CTNNA2: variants seen among roughly 807,000 people sequenced by gnomAD.
CTNNA2 encodes catenin alpha 2.
CTNNA2 carries 42 observed loss-of-function variants against 101.0 expected under a neutral mutation model. That is an observed-to-expected ratio of 0.42 (90% CI 0.32 to 0.54). The LOEUF (loss-of-function observed/expected upper bound fraction) is 0.54, where lower values mean the gene tolerates loss of function less well. Among genes scored for constraint, CTNNA2 ranks in the 20% least tolerant of loss-of-function variants. The pLI, the probability that CTNNA2 is intolerant of heterozygous loss-of-function variation, is 0.14. For synonymous variants in CTNNA2, 450 were observed against 456.4 expected (o/e 0.99, Z 0.18); for missense variants, 871 against 1,223.1 (o/e 0.71, Z 4.29).
intron 2 of CTNNA2, among the ~76,000 whole-genome samples, chr2:79,305,292 GTGTATA>G: frequency 6.7e-6 from 1 of 149,006 alleles, no homozygotes; most frequent in African/African-American, 2.5e-5. Flanking sequence ...ATACGTGTGT[GTGTATA>G]TATATACATA....
intron 2 of CTNNA2, among the ~76,000 whole-genome samples, chr2:79,731,222 A>T (rs1687175395): frequency 6.6e-6 from 1 of 152,072 alleles, no homozygotes; most frequent in Admixed American, 6.6e-5. Flanking sequence ...ATGAAGTAAG[A>T]ATAGACAGGG....
rs1425799602 is a variant in CTNNA2, at chr2:80,251,809, T to C, written c.1057-141402T>C. The stretch of plus-strand genomic sequence containing the variant: ...CCTACAAATACTTAATTAAGAGTCA[T>C]TGGAGCTAACGCCTTTTCCTCTTTC... On this transcript the variant is annotated intron_variant, in intron 7 of 18. Transcript: ENST00000402739. Among the ~76,000 whole-genome samples, 4 of 152,184 alleles carry C rather than the reference T, an allele frequency of 2.6e-5. No homozygotes were observed. In the East Asian group the frequency reaches 7.7e-4, roughly 29 times the overall value.
intron 9 of CTNNA2, among the ~76,000 whole-genome samples, chr2:80,485,098 G>C: frequency 6.6e-6 from 1 of 152,158 alleles, no homozygotes. Flanking sequence ...GTTTGTAAGT[G>C]TACGTGTGTG....
chr2:80,610,980 C>G (rs1165506903), intron 17 of CTNNA2, among the ~76,000 whole-genome samples: 1 of 150,354 alleles, frequency 6.7e-6, no homozygotes, highest in Non-Finnish European at 1.5e-5. Flanking sequence ...CTAAGAAATA[C>G]CATTGGTTTC....
intron 7 of CTNNA2, among the ~76,000 whole-genome samples, chr2:80,351,265 T>C (rs981685265): frequency 6.6e-6 from 1 of 151,788 alleles, no homozygotes; most frequent in African/African-American, 2.4e-5. Flanking sequence ...ATAGGCAGAG[T>C]GGCTTTTTGA....
At chr2:79,479,431 A>T (rs982529121) in intron 4 of CTNNA2, among the ~76,000 whole-genome samples, 1 of 152,176 alleles carries the variant, frequency 6.6e-6, no homozygotes, top group Non-Finnish European at 1.5e-5. Context: ...TTGGTCTGGC[A>T]CCTGTTTTCA....
chr2:80,314,285 C>A (rs772259009), intron 7 of CTNNA2, among the ~76,000 whole-genome samples: 1 of 152,192 alleles, frequency 6.6e-6, no homozygotes, highest in Non-Finnish European at 1.5e-5. Flanking sequence ...TGATTAAAAG[C>A]ATTCAAATTC....
intron 3 of CTNNA2, among the ~76,000 whole-genome samples, chr2:79,771,903 G>A (rs1673612886): frequency 6.6e-6 from 1 of 152,074 alleles, no homozygotes; most frequent in Non-Finnish European, 1.5e-5. Flanking sequence ...ATAGTTTTAT[G>A]GCTATGATCA....
chr2:80,391,961 C>A (rs1287513118), intron 7 of CTNNA2, among the ~76,000 whole-genome samples: 1 of 152,068 alleles, frequency 6.6e-6, no homozygotes, highest in Non-Finnish European at 1.5e-5. Flanking sequence ...TTGGTTTGGG[C>A]TTTTTAATGA....
At chr2:80,474,434 T>C (rs1685556260) in intron 9 of CTNNA2, among the ~76,000 whole-genome samples, 1 of 152,014 alleles carries the variant, frequency 6.6e-6, no homozygotes, top group African/African-American at 2.4e-5. Context: ...CCCCACCATA[T>C]CCCATCTCAT....
In CTNNA2 at chr2:79,580,384, G is replaced by A. The variant is rs117849257; in HGVS notation, c.-6+67177G>A. Among the ~76,000 whole-genome samples the A allele has an allele frequency of 8.5e-4, 130 of 152,270 alleles. 1 individual carries two copies. In the East Asian group the frequency reaches 0.023, roughly 27 times the overall value. On this transcript the variant is annotated intron_variant, in intron 1 of 18. Coordinates refer to ENST00000402739, the MANE Select transcript of CTNNA2 (RefSeq NM_001282597.3). ...GCCAAAGAATGCAGTGGTGGAAGCC[G>A]GAATGACTCTTAGCTGACGGCCGGC...
intron 3 of CTNNA2, among the ~76,000 whole-genome samples, chr2:79,313,585 C>T (rs1392448904): frequency 1.3e-5 from 2 of 152,094 alleles, no homozygotes; most frequent in East Asian, 1.9e-4. Flanking sequence ...ATGTTCTTGA[C>T]AAACTTTTTT....
chr2:79,843,363 C>T (rs761787020), intron 3 of CTNNA2, among the ~76,000 whole-genome samples: 5 of 152,144 alleles, frequency 3.3e-5, no homozygotes, highest in African/African-American at 7.2e-5. Context: ...ACAGGACATC[C>T]GGTAATGGAT....
chr2:80,320,357 G>A (rs1382722784), intron 7 of CTNNA2, among the ~76,000 whole-genome samples: 1 of 152,148 alleles, frequency 6.6e-6, no homozygotes, highest in Non-Finnish European at 1.5e-5. Flanking sequence ...CCAAAGTGGG[G>A]ATCTATATTA....
At chr2:79,744,250 G>T (rs1671487668) in intron 2 of CTNNA2, 137 bp from the exon 3 acceptor site, 1 of 738,690 alleles carries the variant, frequency 1.4e-6, no homozygotes. Flanking sequence ...ATGTGAGGAG[G>T]CTAAGTGATG....
intron 9 of CTNNA2, among the ~76,000 whole-genome samples, chr2:80,501,105 A>C (rs1687849277): frequency 6.6e-6 from 1 of 152,214 alleles, no homozygotes; most frequent in Non-Finnish European, 1.5e-5. Context: ...TACTTAATGG[A>C]AAACTGAATA....
intron 4 of CTNNA2, among the ~76,000 whole-genome samples, chr2:79,861,420 A>T (rs906533646): frequency 6.6e-6 from 1 of 152,230 alleles, no homozygotes; most frequent in African/African-American, 2.4e-5. Context: ...GTTGATGAAG[A>T]ATAGTCACTT....
chr2:79,327,833 C>T (rs1012876656), intron 3 of CTNNA2, among the ~76,000 whole-genome samples: 12 of 152,278 alleles, frequency 7.9e-5, no homozygotes, highest in Admixed American at 7.2e-4. Flanking sequence ...TGCCTCCCTG[C>T]CATTAACATT....
intron 7 of CTNNA2, among the ~76,000 whole-genome samples, chr2:80,292,774 ATGT>A (rs1166045321): frequency 1.3e-5 from 2 of 152,232 alleles, no homozygotes; most frequent in African/African-American, 2.4e-5. Flanking sequence ...TGAACAAGAA[ATGT>A]TGTGCTACTT....
Sources: allele counts gnomAD v4.1 joint callset (sites outside exome capture counted in the v4.1 genomes callset), GRCh38; gene constraint gnomAD v4.1.1; transcripts MANE v1.5; gene names NCBI Gene and HGNC (gene_info 2026-07-23, HGNC 2026-07-21).